NRL: variants seen among roughly 807,000 people sequenced by gnomAD.
The protein encoded by NRL is neural retina leucine zipper, also known as neural retina-specific leucine zipper protein.
NRL carries 16 observed loss-of-function variants against 12.5 expected under a neutral mutation model. That is an observed-to-expected ratio of 1.28 (90% confidence interval 0.87 to 1.95). The LOEUF is 1.95. NRL is among the 30% of genes most tolerant of loss of function. The probability of loss-of-function intolerance (pLI) is 0.00; values close to 1 mark genes in which losing one functional copy is unlikely to be tolerated. For synonymous variants in NRL, 142 were observed against 150.9 expected (o/e 0.94, Z 0.43); for missense variants, 314 against 325.8 (o/e 0.96, Z 0.28).
chr14:24,100,082 C>T lies in NRL; in HGVS notation c.-28+14640G>A, dbSNP rs1158893228. On this transcript the variant is annotated intron_variant, in intron 1 of 2. Transcript: ENST00000561028. ...ACCACCAATCCCAACGCCATGGCTA[C>T]AATCCAGAGTAACACTATTTTTACC... is the stretch of plus-strand genomic sequence containing the variant. 6.2e-7 allele frequency: 1 copy of T among 1,612,448 alleles called. No individual in the cohort carries two copies. Among genetic ancestry groups the T allele is most frequent in the East Asian group, 2.2e-5 (1 of 44,902 alleles).
intron 1 of NRL, among the ~76,000 whole-genome samples, chr14:24,086,229 GAAAA>G (rs1402371054): frequency 1.3e-5 from 2 of 152,042 alleles, no homozygotes; most frequent in Non-Finnish European, 2.9e-5. Context: ...AAAAAGAAGA[GAAAA>G]GAAAGAAAGT....
At position 24,081,519 on chromosome 14, in the gene NRL, T is replaced by A; in HGVS notation, c.431A>T (p.Glu144Val). ...GCAGCCCCGCAGCTGCCGGTTTAGCTCCCGCACAGACATCGAGACCAGCGC... is the reference window on the plus strand; with the variant it reads ...GCAGCCCCGCAGCTGCCGGTTTAGCACCCGCACAGACATCGAGACCAGCGC... ...DAALVSMSVR[E>V]LNRQLRGCGR... The change falls in exon 3 of 3, where the codon GAG (glutamate) becomes GTG (valine). Residue 144 changes from glutamate (E) to valine (V), a missense_variant. Transcript: ENST00000561028. This position sits in a 1 kb window ranked among gnomAD's most constrained non-coding sequence, Gnocchi z 4.4. 1 of 1,603,950 alleles carries A rather than the reference T, an allele frequency of 6.2e-7. No individual in the cohort carries two copies. The highest frequency in any genetic ancestry group is 8.5e-7 in the Non-Finnish European group (1 of 1,176,792).
chr14:24,096,450 T>C (rs1313294501), intron 1 of NRL, among the ~76,000 whole-genome samples: 3 of 152,114 alleles, frequency 2.0e-5, no homozygotes, highest in Non-Finnish European at 4.4e-5. Context: ...TTGCCCAGTA[T>C]GGTCTTGATC....
intron 1 of NRL, among the ~76,000 whole-genome samples, chr14:24,111,071 T>C (rs147023731): frequency 8.5e-5 from 13 of 152,310 alleles, no homozygotes; most frequent in African/African-American, 3.1e-4. Flanking sequence ...AGCCTCCACC[T>C]CATAGGCTCA....
At position 24,091,540 on chromosome 14, in the gene NRL, T is replaced by C. The variant is rs10151593; in HGVS notation, c.-27-8665A>G. Reference sequence around the variant, plus strand: ...AAGATATCATGTGATGGAAAGAGCCTGGAAGAGATTTTAAGCTTAAGAGTG... The same window carrying C: ...AAGATATCATGTGATGGAAAGAGCCCGGAAGAGATTTTAAGCTTAAGAGTG... On this transcript the variant is annotated intron_variant, in intron 1 of 2. Coordinates refer to ENST00000561028, the MANE Select transcript of NRL (RefSeq NM_001354768.3). Among the ~76,000 whole-genome samples the C allele has an allele frequency of 8.2e-3, 1,247 of 152,264 alleles. 18 individuals carry two copies. Among genetic ancestry groups the C allele is most frequent in the African/African-American group, 0.028 (1,170 of 41,518 alleles).
At chr14:24,098,351 C>A in intron 1 of NRL, 2 of 1,613,380 alleles carry the variant, frequency 1.2e-6, no homozygotes, top group Non-Finnish European at 1.7e-6. Flanking sequence ...TGATTTCCAG[C>A]GAGCTGTGGA....
At chr14:24,100,310 G>A in intron 1 of NRL, 1 of 1,533,038 alleles carries the variant, frequency 6.5e-7, no homozygotes, top group Admixed American at 2.2e-5. Context: ...TTCTAGGACT[G>A]CCAGGAGGCA....
chr14:24,096,302 G>A (rs896548411), intron 1 of NRL, among the ~76,000 whole-genome samples: 5 of 119,772 alleles, frequency 4.2e-5, no homozygotes, highest in African/African-American at 1.3e-4. Context: ...GCAGTGTCCC[G>A]ATCTCGGCTC....
chr14:24,114,117 G>A (rs2037478811), intron 1 of NRL: 1 of 152,440 alleles, frequency 6.6e-6, no homozygotes, highest in East Asian at 1.9e-4. Flanking sequence ...CGAGGACAGA[G>A]GGACTAGCGA....
intron 1 of NRL, chr14:24,097,016 G>A: frequency 6.2e-7 from 1 of 1,613,422 alleles, no homozygotes; most frequent in Non-Finnish European, 8.5e-7. Context: ...AGAGCACAGT[G>A]CCCGCCTGTG....
chr14:24,104,030 G>A (rs914865367), intron 1 of NRL: 5 of 1,103,736 alleles, frequency 4.5e-6, no homozygotes, highest in Non-Finnish European at 6.8e-6. Flanking sequence ...GCACCTTGCA[G>A]AAAATATGAG....
chr14:24,098,379 G>A (rs1225999219), intron 1 of NRL: 1 of 1,612,422 alleles, frequency 6.2e-7, no homozygotes, highest in East Asian at 2.2e-5. Context: ...TTTCCAGGCT[G>A]CATGCAGGGT....
At position 24,098,387 on chromosome 14, in the gene NRL, G is replaced by T. The variant is rs150096866; in HGVS notation, c.-27-15512C>A. 6 of 1,612,086 alleles carry T rather than the reference G, an allele frequency of 3.7e-6. No homozygotes were observed. In the East Asian group the frequency reaches 1.3e-4, roughly 36 times the overall value. The stretch of plus-strand genomic sequence containing the variant: ...TGAGAGGTTTCCAGGCTGCATGCAG[G>T]GTAACCAGGGCAGGGGCACAGTGGC... On this transcript the variant is annotated intron_variant, in intron 1 of 2. Transcript: ENST00000561028.
chr14:24,100,682 G>T, intron 1 of NRL: 1 of 476,778 alleles, frequency 2.1e-6, no homozygotes. Context: ...GAGGAAAGCT[G>T]CCTCCTCTGC....
intron 2 of NRL, 69 bp downstream of exon 2, chr14:24,082,399 C>T (rs1390035220): frequency 2.5e-6 from 4 of 1,597,948 alleles, no homozygotes; most frequent in South Asian, 1.1e-5. Flanking sequence ...CTGGGAGCTC[C>T]CCTTCCTCTC....
rs560843465 is a variant in NRL, at chr14:24,081,794, AC to A, written c.382-227del. On this transcript the variant is annotated intron_variant, in intron 2 of 2. Transcript: ENST00000561028. The surrounding 1 kb of genome is among the most constrained non-coding windows in gnomAD (Gnocchi z 4.4). ...GTTGCTCCAGTCAGGCGGGCGCCCC[AC>A]GGTGCAGGGCCGGCCACGGTCAGGC... 6.6e-7 allele frequency: 1 copy of A among 1,511,434 alleles called. No individual in the cohort carries two copies. Among genetic ancestry groups the A allele is most frequent in the South Asian group, 1.2e-5 (1 of 81,012 alleles). The allele number at this position is 1,511,434 out of a possible 1,614,324, so 93.6% of individuals were successfully genotyped here. A position where few individuals can be genotyped will look rare whatever the true frequency, so the allele number is the denominator to read the frequency against.
chr14:24,099,258 G>A, intron 1 of NRL: 1 of 1,580,048 alleles, frequency 6.3e-7, no homozygotes, highest in Non-Finnish European at 8.6e-7. Context: ...GTGAGAAGCA[G>A]GGCAGCTGCC....
At chr14:24,101,124 C>T (rs1013296388) in intron 1 of NRL, among the ~76,000 whole-genome samples, 1 of 152,176 alleles carries the variant, frequency 6.6e-6, no homozygotes, top group African/African-American at 2.4e-5. Context: ...ATTAAGCCCC[C>T]CTCAGCCTTC....
At chr14:24,096,185 A>G (rs2036869858) in intron 1 of NRL, among the ~76,000 whole-genome samples, 1 of 149,738 alleles carries the variant, frequency 6.7e-6, no homozygotes, top group African/African-American at 2.5e-5. Flanking sequence ...ACCTGGGCCC[A>G]ACTTCTTGTC....
Sources: allele counts gnomAD v4.1 joint callset (sites outside exome capture counted in the v4.1 genomes callset), GRCh38; gene constraint gnomAD v4.1.1; non-coding constraint Gnocchi (gnomAD v3.1); transcripts MANE v1.5; gene names NCBI Gene and HGNC (gene_info 2026-07-23, HGNC 2026-07-21).